Variants in FOXP1 observed in about 807,000 individuals in gnomAD.
FOXP1 encodes forkhead box P1.
A neutral mutation model predicts 98.2 loss-of-function variants in FOXP1; 15 were observed. That is an observed-to-expected ratio of 0.15 (90% CI 0.10 to 0.24). The LOEUF (loss-of-function observed/expected upper bound fraction) is 0.24. FOXP1 is among the 10% of genes least tolerant of loss of function. FOXP1 has a pLI of 1.00. For missense variants in FOXP1, 633 were observed against 848.5 expected, an observed-to-expected ratio of 0.75 and a Z score of 3.15; for synonymous variants, 371 against 314.5, an observed-to-expected ratio of 1.18 and a Z score of -1.90.
intron 4 of FOXP1, chr3:71,332,062 C>G (rs142338125): frequency 6.6e-6 from 1 of 152,216 alleles, no homozygotes; most frequent in Admixed American, 6.5e-5. Context: ...AGCAGGCTGC[C>G]CGAGCCAGCA....
intron 5 of FOXP1, among the ~76,000 whole-genome samples, chr3:71,235,313 T>C (rs1420176080): frequency 2.0e-5 from 3 of 152,154 alleles, no homozygotes; most frequent in Non-Finnish European, 1.5e-5. Context: ...AAATAGAATG[T>C]AGGAAAGATG....
intron 4 of FOXP1, among the ~76,000 whole-genome samples, chr3:71,315,209 C>T (rs2075002122): frequency 6.6e-6 from 1 of 152,070 alleles, no homozygotes; most frequent in Non-Finnish European, 1.5e-5. Flanking sequence ...ACTTTCCACA[C>T]CGTACAACCT....
At chr3:71,544,543 G>C (rs868610720) in intron 2 of FOXP1, among the ~76,000 whole-genome samples, 1 of 152,118 alleles carries the variant, frequency 6.6e-6, no homozygotes, top group South Asian at 2.1e-4. Context: ...AAAAACATAC[G>C]TTTCCAAAAT....
At chr3:71,337,760 G>A (rs2076773571) in intron 4 of FOXP1, among the ~76,000 whole-genome samples, 1 of 152,186 alleles carries the variant, frequency 6.6e-6, no homozygotes, top group African/African-American at 2.4e-5. Context: ...GCTGTGATCA[G>A]AAAAGGTTAA....
intron 3 of FOXP1, among the ~76,000 whole-genome samples, chr3:71,406,038 G>A (rs2082295486): frequency 1.3e-5 from 2 of 152,050 alleles, no homozygotes; most frequent in Admixed American, 6.6e-5. Flanking sequence ...CCAGGCAGCA[G>A]TACTTTTTAA....
At chr3:71,094,441 G>A (rs527483020) in intron 7 of FOXP1, among the ~76,000 whole-genome samples, 20 of 151,888 alleles carry the variant, frequency 1.3e-4, no homozygotes, top group Admixed American at 1.1e-3. Context: ...CACCATGCCC[G>A]GCTAATATAA....
chr3:71,347,748 G>A (rs1190991980), intron 4 of FOXP1, among the ~76,000 whole-genome samples: 1 of 152,090 alleles, frequency 6.6e-6, no homozygotes, highest in Admixed American at 6.6e-5. Flanking sequence ...AGCCAGGCGT[G>A]GTGACCCATG....
chr3:71,465,939 C>T (rs1470094593), intron 3 of FOXP1, among the ~76,000 whole-genome samples: 1 of 152,142 alleles, frequency 6.6e-6, no homozygotes, highest in African/African-American at 2.4e-5. Flanking sequence ...CTAACTAATG[C>T]CTGATGATCT....
At chr3:71,422,320 C>T (rs936562555) in intron 3 of FOXP1, among the ~76,000 whole-genome samples, 2 of 152,202 alleles carry the variant, frequency 1.3e-5, no homozygotes, top group Non-Finnish European at 2.9e-5. Flanking sequence ...ACATACAATC[C>T]AAAATGTTCT....
intron 5 of FOXP1, among the ~76,000 whole-genome samples, chr3:71,223,487 A>T (rs1023010863): frequency 2.6e-5 from 4 of 152,112 alleles, no homozygotes; most frequent in Non-Finnish European, 5.9e-5. Flanking sequence ...CAAGGTCAGG[A>T]GATCGAGACC....
At chr3:71,131,379 G>C in intron 6 of FOXP1, among the ~76,000 whole-genome samples, 1 of 127,184 alleles carries the variant, frequency 7.9e-6, no homozygotes, top group African/African-American at 3.0e-5. Flanking sequence ...ACAGGAGGAA[G>C]AGTTGAACAG....
intron 5 of FOXP1, among the ~76,000 whole-genome samples, chr3:71,217,905 T>C (rs1413188512): frequency 6.6e-6 from 1 of 152,146 alleles, no homozygotes; most frequent in African/African-American, 2.4e-5. Flanking sequence ...TCGCCAATCA[T>C]AAAATCATCT....
In FOXP1 at chr3:71,029,063, A is replaced by T. The variant is rs1289964855; in HGVS notation, c.869+12265T>A. Among the ~76,000 whole-genome samples the T allele has an allele frequency of 1.4e-4, 21 of 152,204 alleles. 1 individual carries two copies. Among genetic ancestry groups the T allele is most frequent in the Admixed American group, 1.4e-3 (21 of 15,276 alleles). ...CGTGTGCCCTAATTCCTAACAGACC[A>T]TAGACCAGTACCAGTCTGTGAACTG... On this transcript the variant is annotated intron_variant, in intron 11 of 20. Coordinates refer to ENST00000649528, the MANE Select transcript of FOXP1 (RefSeq NM_001349338.3).
intron 2 of FOXP1, among the ~76,000 whole-genome samples, chr3:71,579,137 T>G (rs2047948757): frequency 6.6e-6 from 1 of 152,218 alleles, no homozygotes; most frequent in African/African-American, 2.4e-5. Flanking sequence ...TAAATGACAA[T>G]TATTTTTATT....
chr3:71,460,298 G>T (rs2087937457), intron 3 of FOXP1, among the ~76,000 whole-genome samples: 1 of 151,958 alleles, frequency 6.6e-6, no homozygotes, highest in Non-Finnish European at 1.5e-5. Flanking sequence ...GGAATGCAGT[G>T]GCGTGATCTC....
At chr3:71,235,127 T>C (rs1030261294) in intron 5 of FOXP1, among the ~76,000 whole-genome samples, 1 of 92,842 alleles carries the variant, frequency 1.1e-5, no homozygotes, top group Non-Finnish European at 2.3e-5. Context: ...TTTATTCTGA[T>C]GGGGAAAAAA....
At chr3:71,181,068 G>T (rs1009200322) in intron 6 of FOXP1, among the ~76,000 whole-genome samples, 8 of 152,152 alleles carry the variant, frequency 5.3e-5, no homozygotes, top group African/African-American at 1.9e-4. Context: ...ATAAGAATTC[G>T]TACTGAGTTC....
At chr3:71,200,156 C>G (rs530298419) in intron 5 of FOXP1, among the ~76,000 whole-genome samples, 3 of 147,392 alleles carry the variant, frequency 2.0e-5, no homozygotes, top group African/African-American at 4.9e-5. Context: ...ACTCTTATTA[C>G]TCTCTGGGCA....
intron 5 of FOXP1, among the ~76,000 whole-genome samples, chr3:71,241,250 A>C (rs191232366): frequency 0.018 from 2,806 of 151,690 alleles, 31 homozygotes; most frequent in Non-Finnish European, 0.025. Context: ...CAAAAAAAAA[A>C]CTTTTACCTC....
Sources: allele counts gnomAD v4.1 joint callset (sites outside exome capture counted in the v4.1 genomes callset), GRCh38; gene constraint gnomAD v4.1.1; transcripts MANE v1.5; gene names NCBI Gene and HGNC (gene_info 2026-07-23, HGNC 2026-07-21).